FHIT: variants seen among roughly 807,000 people sequenced by gnomAD.
FHIT encodes the protein bis(5'-adenosyl)-triphosphatase.
A neutral mutation model predicts 17.9 loss-of-function variants in FHIT; 19 were observed. The observed-to-expected ratio is 1.06, with a 90% CI of 0.74 to 1.56. FHIT has a LOEUF of 1.56. Among genes scored for constraint, FHIT ranks in the 40% most tolerant of loss-of-function variants. The pLI is 0.00. For missense variants in FHIT, 248 were observed against 189.2 expected, an observed-to-expected ratio of 1.31 and a Z score of -1.82; for synonymous variants, 81 against 69.7, an observed-to-expected ratio of 1.16 and a Z score of -0.81.
At chr3:60,624,783 G>A (rs1553680223) in intron 4 of FHIT, among the ~76,000 whole-genome samples, 12 of 152,046 alleles carry the variant, frequency 7.9e-5, no homozygotes, top group Non-Finnish European at 1.8e-4. Context: ...GTTCATCCAT[G>A]TTGTAACATG....
intron 5 of FHIT, among the ~76,000 whole-genome samples, chr3:60,271,908 A>T (rs1272785868): frequency 6.6e-6 from 1 of 152,178 alleles, no homozygotes; most frequent in Non-Finnish European, 1.5e-5. Context: ...AAACTTACCA[A>T]ACTCCAGGTG....
intron 5 of FHIT, among the ~76,000 whole-genome samples, chr3:60,483,273 C>G (rs2033693900): frequency 6.6e-6 from 1 of 152,162 alleles, no homozygotes; most frequent in Non-Finnish European, 1.5e-5. Flanking sequence ...GGTGTCATTC[C>G]TTCTGAAACT....
rs538852386 is a variant in FHIT, at chr3:60,514,952, C to T, written c.103+21908G>A. Reference sequence around the variant, plus strand: ...CCCTGGTGGGAAGCCAGGCTGTAATCTGTCACAAGAGCATGTGAGCAGAGG... The same window carrying T: ...CCCTGGTGGGAAGCCAGGCTGTAATTTGTCACAAGAGCATGTGAGCAGAGG... On this transcript the variant is annotated intron_variant, in intron 5 of 9. Transcript: ENST00000492590. Among the ~76,000 whole-genome samples, 3 of 151,960 alleles carry T rather than the reference C, an allele frequency of 2.0e-5. No individual in the cohort carries two copies. In the South Asian group the frequency reaches 6.3e-4, roughly 32 times the overall value.
intron 5 of FHIT, among the ~76,000 whole-genome samples, chr3:60,184,891 G>A (rs1449082008): frequency 3.3e-5 from 5 of 151,834 alleles, no homozygotes; most frequent in Admixed American, 1.3e-4. Flanking sequence ...TCTGCTGTTC[G>A]AAGCGACCCA....
chr3:60,671,281 A>G (rs1042634526), intron 4 of FHIT, among the ~76,000 whole-genome samples: 8 of 152,172 alleles, frequency 5.3e-5, no homozygotes, highest in Non-Finnish European at 7.3e-5. Flanking sequence ...AGAATAATAG[A>G]TAAAAGTATA....
At chr3:60,199,795 C>G (rs895689508) in intron 5 of FHIT, among the ~76,000 whole-genome samples, 2 of 152,066 alleles carry the variant, frequency 1.3e-5, no homozygotes, top group Admixed American at 1.3e-4. Context: ...TATGAGAACT[C>G]TGAGTAGGTA....
chr3:60,676,011 C>G (rs957862235), intron 4 of FHIT, among the ~76,000 whole-genome samples: 1 of 152,296 alleles, frequency 6.6e-6, no homozygotes, highest in East Asian at 1.9e-4. Flanking sequence ...TCCAAACAAG[C>G]TGCAACTTAC....
At chr3:60,519,369 T>C (rs370990503) in intron 5 of FHIT, among the ~76,000 whole-genome samples, 61 of 152,248 alleles carry the variant, frequency 4.0e-4, no homozygotes, top group Non-Finnish European at 7.8e-4. Context: ...AAACACCAAA[T>C]AGTTTGAATA....
At chr3:60,065,982 C>G (rs1320780481) in intron 5 of FHIT, among the ~76,000 whole-genome samples, 1 of 152,170 alleles carries the variant, frequency 6.6e-6, no homozygotes, top group Non-Finnish European at 1.5e-5. Context: ...AAGACACTGC[C>G]TACCTCCAGG....
intron 8 of FHIT, among the ~76,000 whole-genome samples, chr3:59,897,666 G>C (rs1704129511): frequency 6.6e-6 from 1 of 151,536 alleles, no homozygotes; most frequent in African/African-American, 2.4e-5. Context: ...CCAGGGGAAG[G>C]TTTACTCCAT....
chr3:60,854,441 C>T (rs6791680), intron 3 of FHIT, among the ~76,000 whole-genome samples: 146,070 of 152,182 alleles, frequency 0.96, 70,423 homozygotes, highest in East Asian at 1. Context: ...CTTTCTTTTC[C>T]GGATATGCAT....
At chr3:60,252,106 C>G (rs1222640054) in intron 5 of FHIT, among the ~76,000 whole-genome samples, 1 of 152,126 alleles carries the variant, frequency 6.6e-6, no homozygotes, top group Non-Finnish European at 1.5e-5. Context: ...AATATGATTG[C>G]AAGCATATTA....
At chr3:60,565,125 T>A (rs773565012) in intron 4 of FHIT, among the ~76,000 whole-genome samples, 1 of 152,172 alleles carries the variant, frequency 6.6e-6, no homozygotes, top group Non-Finnish European at 1.5e-5. Context: ...TAAAGTATTT[T>A]TAATTAAGGT....
chr3:60,027,140 C>CAAAAAA (rs1209851135), intron 5 of FHIT, among the ~76,000 whole-genome samples: 20 of 116,730 alleles, frequency 1.7e-4, no homozygotes, highest in South Asian at 5.3e-4. Context: ...CACACACACA[C>CAAAAAA]ACACACACAA....
chr3:60,798,385 A>G (rs1213362920), intron 4 of FHIT, among the ~76,000 whole-genome samples: 1 of 152,274 alleles, frequency 6.6e-6, no homozygotes, highest in African/African-American at 2.4e-5. Flanking sequence ...CAGAACATGT[A>G]CAATAATAAT....
intron 5 of FHIT, among the ~76,000 whole-genome samples, chr3:60,345,703 T>C (rs1576509842): frequency 6.6e-6 from 1 of 152,198 alleles, no homozygotes; most frequent in Non-Finnish European, 1.5e-5. Context: ...AGGAACACAG[T>C]GCTAAATTCC....
At chr3:60,526,521 C>A (rs980436228) in intron 5 of FHIT, among the ~76,000 whole-genome samples, 3 of 152,026 alleles carry the variant, frequency 2.0e-5, no homozygotes, top group Non-Finnish European at 2.9e-5. Flanking sequence ...AAAGGGCTAC[C>A]GAAAAGGTGA....
intron 7 of FHIT, among the ~76,000 whole-genome samples, chr3:60,004,080 G>A (rs1699830434): frequency 6.6e-6 from 1 of 152,080 alleles, no homozygotes; most frequent in South Asian, 2.1e-4. Context: ...AATGACAACA[G>A]TGAGTAACCG....
chr3:60,829,882 C>A (rs954735631), intron 3 of FHIT, among the ~76,000 whole-genome samples: 3 of 143,802 alleles, frequency 2.1e-5, no homozygotes, highest in Non-Finnish European at 4.7e-5. Context: ...AGAGAAGTTA[C>A]CTTTTTGTAA....
Sources: gnomAD v4.1 joint callset for allele counts (sites outside exome capture counted in the v4.1 genomes callset) on GRCh38, gnomAD v4.1.1 for gene constraint, MANE v1.5 for transcripts, NCBI Gene and HGNC (gene_info 2026-07-23, HGNC 2026-07-21) for gene names.